The following CEP350 variants were observed in gnomAD, a reference collection of about 807,000 sequenced individuals.
CEP350 encodes centrosome-associated protein 350.
Under a neutral mutation model 331.8 loss-of-function variants are expected in CEP350, and 126 were observed. That is an observed-to-expected ratio of 0.38 (90% confidence interval 0.33 to 0.44). CEP350 has a LOEUF of 0.44. Among genes scored for constraint, CEP350 ranks in the 20% least tolerant of loss-of-function variants. The pLI, the probability that CEP350 is intolerant of heterozygous loss-of-function variation, is 1.00. For synonymous variants in CEP350, 1,200 were observed against 1,259.5 expected, an observed-to-expected ratio of 0.95 and a Z score of 1.00; for missense variants, 3,406 against 3,634.6, an observed-to-expected ratio of 0.94 and a Z score of 1.62.
intron 27 of CEP350, among the ~76,000 whole-genome samples, chr1:180,070,393 G>A (rs113664311): frequency 1.7e-4 from 26 of 152,080 alleles, no homozygotes; most frequent in African/African-American, 5.8e-4. Flanking sequence ...GCAACAAAAG[G>A]TCTCATTTAA....
intron 26 of CEP350, among the ~76,000 whole-genome samples, chr1:180,063,686 A>C (rs772855325): frequency 4.5e-4 from 69 of 152,076 alleles, no homozygotes; most frequent in Admixed American, 7.9e-4. Context: ...GGTGGCATAC[A>C]CCTATAGTCC....
At position 180,031,343 on chromosome 1, in the gene CEP350, G is replaced by A. The variant is rs773817411; in HGVS notation, c.3574G>A (p.Val1192Ile). The change falls in exon 15 of 38, where the codon GTT becomes ATT. Residue 1192 changes from valine (V) to isoleucine (I), a missense_variant. By Grantham distance (29) the Val-to-Ile change is conservative. This residue lies in a region of CEP350 where 1,857 missense variants were observed against 1,909.2 expected (regional missense o/e 0.97). Coordinates refer to ENST00000367607, the MANE Select transcript of CEP350 (RefSeq NM_014810.5). ...TEWLDSFTGN[V>I]QNSLLDEEKA... ...AGGGTTGGATTCATTCACTGGAAAT[G>A]TTCAGAACTCACTTCTTGATGAGGA... 2.5e-6 allele frequency: 4 copies of A among 1,605,796 alleles called. No homozygotes were observed. The highest frequency in any genetic ancestry group is 2.3e-5 in the East Asian group (1 of 44,322).
intron 7 of CEP350, among the ~76,000 whole-genome samples, chr1:180,004,872 T>TC (rs1654108414): frequency 1.5e-5 from 1 of 66,988 alleles, no homozygotes; most frequent in South Asian, 6.2e-4. Flanking sequence ...GCAGGCTGGC[T>TC]GGCTTGCTTG....
Position 180,094,073 on chromosome 1 carries a change from A to C in CEP350, c.7968A>C (p.Ser2656=), listed in dbSNP as rs755922129. The C allele has an allele frequency of 7.4e-6, 12 of 1,613,810 alleles. No individual in the cohort carries two copies. The change falls in exon 34 of 38, where the codon TCA becomes TCC. Residue 2656 remains serine, a synonymous_variant. Transcript: ENST00000367607. ...VLEAHVHQQS[S]VDSQISSKEN... ...AAGCCCATGTTCACCAGCAGTCTTC[A>C]GTGGATTCACAGATTTCTTCAAAGG...
chr1:180,082,677 C>T (rs1659648875), intron 30 of CEP350, among the ~76,000 whole-genome samples: 1 of 152,068 alleles, frequency 6.6e-6, no homozygotes, highest in African/African-American at 2.4e-5. Context: ...ATCTAAAAAC[C>T]CCAGGTTTTT....
In CEP350 at chr1:180,080,521, T is replaced by C. The variant is rs1279908429; in HGVS notation, c.5984T>C (p.Leu1995Pro). The change falls in exon 30 of 38, where the codon CTT becomes CCT. Residue 1995 changes from leucine (L) to proline (P), a missense_variant. Physicochemically the swap from Leu to Pro is moderately conservative, Grantham distance 98. Transcript: ENST00000367607. ...TTTGGTTTTCTGTTTGAACAGTCAC[T>C]TCCCAAAAGCTGCACATCTGTGTCA... ...ESSTSPSKHSLPKSCTSVSKQ... is the reference protein window; with the variant it reads ...ESSTSPSKHSPPKSCTSVSKQ... The C allele has an allele frequency of 2.5e-6, 4 of 1,612,824 alleles. No homozygotes were observed. The highest frequency in any genetic ancestry group is 3.4e-6 in the Non-Finnish European group (4 of 1,179,536).
intron 10 of CEP350, among the ~76,000 whole-genome samples, 200 bp from the exon 11 acceptor site, chr1:180,015,649 T>G (rs1375398591): frequency 6.6e-6 from 1 of 152,124 alleles, no homozygotes; most frequent in Non-Finnish European, 1.5e-5. Context: ...TGGCTCTCCG[T>G]TGGATTTTAG....
chr1:179,955,637 G>T (rs1202013327), intron 1 of CEP350, among the ~76,000 whole-genome samples: 1 of 152,202 alleles, frequency 6.6e-6, no homozygotes, highest in East Asian at 1.9e-4. Context: ...TTTGGGGAAA[G>T]ATTTAAAAGG....
At chr1:180,061,897 C>T (rs1255918935) in intron 25 of CEP350, among the ~76,000 whole-genome samples, 1 of 152,044 alleles carries the variant, frequency 6.6e-6, no homozygotes, top group Non-Finnish European at 1.5e-5. Flanking sequence ...ACTTGATAAG[C>T]AGCTATTAAA....
At chr1:180,049,690 C>A (rs925212899) in intron 22 of CEP350, among the ~76,000 whole-genome samples, 2 of 151,940 alleles carry the variant, frequency 1.3e-5, no homozygotes, top group African/African-American at 2.4e-5. Context: ...ATTACAGGCA[C>A]GCACCACAAC....
intron 31 of CEP350, chr1:180,086,075 T>A (rs1234413080): frequency 6.6e-6 from 1 of 152,204 alleles, no homozygotes; most frequent in Non-Finnish European, 1.5e-5. Context: ...ACCATTGTAT[T>A]GTCTTCCACA....
intron 3 of CEP350, 71 bp downstream of exon 3, chr1:179,987,357 A>G (rs1300976008): frequency 1.2e-6 from 1 of 806,202 alleles, no homozygotes; most frequent in Non-Finnish European, 2.0e-6. Context: ...TGAATAGATT[A>G]AAATGTTTTC....
chr1:179,977,905 ATT>A (rs1347605706), intron 1 of CEP350, among the ~76,000 whole-genome samples: 1 of 151,226 alleles, frequency 6.6e-6, no homozygotes, highest in East Asian at 1.9e-4. Flanking sequence ...TTCAATTTAA[ATT>A]TTTATGTTTT....
intron 1 of CEP350, chr1:179,968,791 A>G (rs960942538): frequency 7.3e-6 from 5 of 681,702 alleles, no homozygotes; most frequent in Middle Eastern, 5.3e-4. Flanking sequence ...CATCTACATC[A>G]TAAATCTGAA....
intron 31 of CEP350, among the ~76,000 whole-genome samples, chr1:180,084,510 G>A (rs1002754972): frequency 2.6e-5 from 4 of 151,960 alleles, no homozygotes; most frequent in South Asian, 2.1e-4. Context: ...GACTACAGGC[G>A]TCCGCCACTA....
intron 17 of CEP350, among the ~76,000 whole-genome samples, chr1:180,038,106 T>C (rs1656495529): frequency 6.6e-6 from 1 of 152,226 alleles, no homozygotes; most frequent in African/African-American, 2.4e-5. Context: ...TCTGGCACCA[T>C]AGTTTATTTT....
chr1:179,984,652 A>C (rs1207774878), intron 1 of CEP350, among the ~76,000 whole-genome samples: 1 of 152,224 alleles, frequency 6.6e-6, no homozygotes, highest in African/African-American at 2.4e-5. Context: ...GAGAATAATT[A>C]ATTTCCACAT....
At chr1:180,006,306 AT>A in intron 7 of CEP350, 147 bp from the exon 8 acceptor site, 1 of 574,148 alleles carries the variant, frequency 1.7e-6, no homozygotes. Context: ...TGATGTTGGT[AT>A]TATGTGGGCC....
At chr1:180,044,666 G>C (rs1656999315) in intron 21 of CEP350, among the ~76,000 whole-genome samples, 1 of 126,890 alleles carries the variant, frequency 7.9e-6, no homozygotes, top group African/African-American at 3.0e-5. Context: ...ATCACACTCC[G>C]GGGACTGTTG....
Sources: gnomAD v4.1 joint callset for allele counts (sites outside exome capture counted in the v4.1 genomes callset) on GRCh38, gnomAD v4.1.1 for gene constraint, gnomAD v4.1.1 regional missense constraint, MANE v1.5 for transcripts, NCBI Gene and HGNC (gene_info 2026-07-23, HGNC 2026-07-21) for gene names.